UBASH3B: variants seen among roughly 807,000 people sequenced by gnomAD.
UBASH3B encodes ubiquitin associated and SH3 domain containing B, also known as ubiquitin-associated and SH3 domain-containing protein B.
UBASH3B carries 37 observed loss-of-function variants against 83.4 expected under a neutral mutation model. The observed-to-expected ratio is 0.44, with a 90% CI of 0.34 to 0.58. The LOEUF (loss-of-function observed/expected upper bound fraction) is 0.58. Among genes scored for constraint, UBASH3B ranks in the 20% least tolerant of loss-of-function variants. The pLI, the probability that UBASH3B is intolerant of heterozygous loss-of-function variation, is 0.01. For synonymous variants in UBASH3B, 304 were observed against 318.3 expected (o/e 0.96, Z 0.48); for missense variants, 657 against 827.2 (o/e 0.79, Z 2.52).
intron 1 of UBASH3B, among the ~76,000 whole-genome samples, chr11:122,719,016 G>A (rs1031392732): frequency 1.6e-4 from 24 of 152,236 alleles, no homozygotes; most frequent in African/African-American, 4.8e-4. Context: ...CAGCCTGGGC[G>A]ACAGATTGAG....
At chr11:122,685,708 C>T (rs529500364) in intron 1 of UBASH3B, among the ~76,000 whole-genome samples, 1 of 152,064 alleles carries the variant, frequency 6.6e-6, no homozygotes, top group Admixed American at 6.5e-5. Flanking sequence ...TTAGTAGAGA[C>T]GGGGTTTCAG....
At chr11:122,696,485 A>G (rs769067074) in intron 1 of UBASH3B, among the ~76,000 whole-genome samples, 2 of 151,780 alleles carry the variant, frequency 1.3e-5, no homozygotes, top group Admixed American at 6.6e-5. Context: ...TAATTTTTGC[A>G]TTTTTAGTCG....
chr11:122,710,106 A>C (rs2135935579), intron 1 of UBASH3B, among the ~76,000 whole-genome samples: 1 of 145,894 alleles, frequency 6.9e-6, no homozygotes, highest in Non-Finnish European at 1.5e-5. Flanking sequence ...CAGTGAGCCG[A>C]GGTCATACCA....
At chr11:122,694,944 T>G (rs1213584905) in intron 1 of UBASH3B, among the ~76,000 whole-genome samples, 2 of 143,874 alleles carry the variant, frequency 1.4e-5, no homozygotes, top group East Asian at 4.1e-4. Flanking sequence ...ATTTTTCTTT[T>G]CTTTTCTTTC....
At chr11:122,760,745 C>A (rs1861357917) in intron 1 of UBASH3B, among the ~76,000 whole-genome samples, 1 of 152,138 alleles carries the variant, frequency 6.6e-6, no homozygotes. Flanking sequence ...GATGTGAGGC[C>A]ATGGAGGACT....
rs1861467002 is a variant in UBASH3B, at chr11:122,812,467, C to G, written c.*2581C>G. 1 of 152,148 alleles carries G rather than the reference C, an allele frequency of 6.6e-6. No individual in the cohort carries two copies. The highest frequency in any genetic ancestry group is 1.5e-5 in the Non-Finnish European group (1 of 68,040). 9.4% of individuals were successfully genotyped at this position (152,148 alleles called of 1,614,324 possible). On this transcript the variant is annotated 3_prime_UTR_variant, in exon 14 of 14. Coordinates refer to ENST00000284273, the MANE Select transcript of UBASH3B (RefSeq NM_032873.5). ...GGCTAATATATATAACCTGAAGTTGCAGCTGGTTCTTTTTGATCTGAAGCT... is the reference window on the plus strand; with the variant it reads ...GGCTAATATATATAACCTGAAGTTGGAGCTGGTTCTTTTTGATCTGAAGCT...
intron 1 of UBASH3B, among the ~76,000 whole-genome samples, chr11:122,768,474 G>A (rs111521869): frequency 1.0e-5 from 1 of 95,826 alleles, no homozygotes; most frequent in African/African-American, 5.6e-5. Flanking sequence ...ATATGTATGT[G>A]TGTGTGTGTG....
At chr11:122,722,389 T>C (rs1247611140) in intron 1 of UBASH3B, among the ~76,000 whole-genome samples, 2 of 152,242 alleles carry the variant, frequency 1.3e-5, no homozygotes, top group Non-Finnish European at 2.9e-5. Flanking sequence ...CACGGGTCCA[T>C]TTCTAACTTG....
intron 4 of UBASH3B, among the ~76,000 whole-genome samples, chr11:122,781,967 A>T (rs1860863473): frequency 6.6e-6 from 1 of 152,246 alleles, no homozygotes; most frequent in Non-Finnish European, 1.5e-5. Context: ...ATCTTGGGCC[A>T]CTAATTCTCT....
intron 1 of UBASH3B, among the ~76,000 whole-genome samples, chr11:122,736,791 C>T (rs992446717): frequency 4.2e-4 from 64 of 151,962 alleles, no homozygotes; most frequent in African/African-American, 1.5e-3. Flanking sequence ...GGTTCACACC[C>T]GCAATCTCAG....
intron 1 of UBASH3B, among the ~76,000 whole-genome samples, chr11:122,706,208 C>T (rs868632474): frequency 1.3e-5 from 2 of 150,790 alleles, no homozygotes; most frequent in Non-Finnish European, 2.9e-5. Context: ...CCTTCACCTC[C>T]GGGTTCAAGC....
Position 122,789,267 on chromosome 11 carries a change from C to T in UBASH3B, c.939C>T (p.Tyr313=), listed in dbSNP as rs1227167150. The T allele has an allele frequency of 6.2e-7, 1 of 1,614,232 alleles. No individual in the cohort carries two copies. Among genetic ancestry groups the T allele is most frequent in the Non-Finnish European group, 8.5e-7 (1 of 1,180,040 alleles). The stretch of plus-strand genomic sequence containing the variant: ...GCTCTGGACTCCTGCCTGAGAATTA[C>T]ATTACCAAGGCTGATGAATGCAGCA... ...TGCSGLLPEN[Y]ITKADECSTW... Residue 313 remains tyrosine, a synonymous_variant, in exon 6 of 14, where the codon TAC becomes TAT. Transcript: ENST00000284273.
chr11:122,682,627 T>C (rs1337974960), intron 1 of UBASH3B, among the ~76,000 whole-genome samples: 1 of 152,134 alleles, frequency 6.6e-6, no homozygotes, highest in African/African-American at 2.4e-5. Context: ...ATTAGGACAC[T>C]AGGGGCCAGC....
intron 1 of UBASH3B, among the ~76,000 whole-genome samples, chr11:122,757,995 C>G (rs557268459): frequency 6.6e-5 from 10 of 152,288 alleles, no homozygotes; most frequent in Non-Finnish European, 1.3e-4. Flanking sequence ...CGTGAGCCAC[C>G]GCACCAGGCC....
intron 1 of UBASH3B, among the ~76,000 whole-genome samples, chr11:122,666,174 G>A (rs1469297277): frequency 1.3e-5 from 2 of 152,196 alleles, no homozygotes; most frequent in Admixed American, 6.5e-5. Context: ...GAACCTTCTT[G>A]GTGATTCAGG....
chr11:122,656,333 CTG>C (rs1336745185), intron 1 of UBASH3B, 123 bp downstream of exon 1: 5 of 1,045,682 alleles, frequency 4.8e-6, no homozygotes, highest in Non-Finnish European at 4.9e-6. Flanking sequence ...TGCCCGAGAC[CTG>C]TTGGGGGCGG....
At chr11:122,749,695 A>C (rs780572072) in intron 1 of UBASH3B, among the ~76,000 whole-genome samples, 1 of 152,250 alleles carries the variant, frequency 6.6e-6, no homozygotes, top group Non-Finnish European at 1.5e-5. Context: ...CTAACAGAGT[A>C]ATCGCTATTT....
intron 1 of UBASH3B, among the ~76,000 whole-genome samples, chr11:122,723,632 A>G (rs1240412574): frequency 6.6e-6 from 1 of 152,218 alleles, no homozygotes; most frequent in East Asian, 1.9e-4. Context: ...CCATCAGACA[A>G]CAGTGGCAGG....
chr11:122,744,079 CT>C (rs1355525494), intron 1 of UBASH3B, among the ~76,000 whole-genome samples: 2 of 152,220 alleles, frequency 1.3e-5, no homozygotes, highest in African/African-American at 4.8e-5. Flanking sequence ...TGAGATGTCC[CT>C]TTTGAATCCA....
Sources: allele counts gnomAD v4.1 joint callset (sites outside exome capture counted in the v4.1 genomes callset), GRCh38; gene constraint gnomAD v4.1.1; transcripts MANE v1.5; gene names NCBI Gene and HGNC (gene_info 2026-07-23, HGNC 2026-07-21).